The following CATSPERB variants were observed in gnomAD, a reference collection of about 807,000 sequenced individuals.
The protein encoded by CATSPERB is cation channel sperm-associated auxiliary subunit beta.
Under a neutral mutation model 128.3 loss-of-function variants are expected in CATSPERB, and 93 were observed. The ratio of observed to expected loss-of-function variants is 0.72; its 90% CI spans 0.61 to 0.86. The LOEUF is 0.86. Ranked by LOEUF, CATSPERB falls within the 40% of genes least tolerant of loss-of-function variation. CATSPERB has a pLI of 0.00. For missense variants in CATSPERB, 1,153 were observed against 1,329.5 expected (o/e 0.87, Z 2.06); for synonymous variants, 381 against 448.8 (o/e 0.85, Z 1.91).
intron 18 of CATSPERB, among the ~76,000 whole-genome samples, chr14:91,622,974 A>G (rs574748676): frequency 7.4e-5 from 11 of 148,310 alleles, no homozygotes; most frequent in Admixed American, 4.1e-4. Flanking sequence ...GGCTCACTGC[A>G]ACCTCCACCT....
In CATSPERB at chr14:91,669,816, G is replaced by A; in HGVS notation, c.1285C>T (p.Gln429Ter). The A allele has an allele frequency of 6.2e-7, 1 of 1,610,860 alleles. No individual in the cohort carries two copies. The highest frequency in any genetic ancestry group is 8.5e-7 in the Non-Finnish European group (1 of 1,178,670). Residue 429 changes from glutamine (Q) to a stop codon, truncating the protein, a stop_gained and splice_region_variant, in exon 14 of 27, where the codon CAG (glutamine) becomes TAG (stop). Transcript: ENST00000256343. LOFTEE classifies it high-confidence loss of function. ...ACTGAAGTTCCATGTGTACGCACCT[G>A]ATTGCCATAAGCATACAAAAAGTGG... ...RSHFLYAYGNQIWLSVDGGNT... is the reference protein window; with the variant it reads ...RSHFLYAYGN
chr14:91,655,310 G>T (rs1322257139), intron 15 of CATSPERB, among the ~76,000 whole-genome samples: 1 of 152,190 alleles, frequency 6.6e-6, no homozygotes, highest in East Asian at 1.9e-4. Context: ...GACCATCCAG[G>T]AGAACATGAC....
chr14:91,581,938 G>A (rs1893213257), intron 26 of CATSPERB, among the ~76,000 whole-genome samples: 1 of 152,204 alleles, frequency 6.6e-6, no homozygotes. Context: ...AGGATGACAG[G>A]CTGCTTTAAG....
At chr14:91,608,164 G>T in intron 22 of CATSPERB, 130 bp downstream of exon 22, 1 of 598,378 alleles carries the variant, frequency 1.7e-6, no homozygotes, top group Non-Finnish European at 2.9e-6. Flanking sequence ...GAAGGAGGAG[G>T]AACAGAGTAG....
At chr14:91,718,920 C>T (rs1895985938) in intron 5 of CATSPERB, among the ~76,000 whole-genome samples, 1 of 152,122 alleles carries the variant, frequency 6.6e-6, no homozygotes, top group African/African-American at 2.4e-5. Context: ...TACAGATCTA[C>T]TAGGTCAGTT....
At chr14:91,619,959 C>T (rs1320089406) in intron 19 of CATSPERB, among the ~76,000 whole-genome samples, 1 of 151,276 alleles carries the variant, frequency 6.6e-6, no homozygotes, top group African/African-American at 2.4e-5. Flanking sequence ...TGGTCTCAGA[C>T]TCCTGGGCTC....
chr14:91,698,887 A>G lies in CATSPERB; in HGVS notation c.617-5408T>C, dbSNP rs566426717. 7.9e-5 allele frequency among the ~76,000 whole-genome samples: 12 copies of G among 152,200 alleles called. No individual in the cohort carries two copies. In the South Asian group the frequency reaches 2.5e-3, roughly 32 times the overall value. On this transcript the variant is annotated intron_variant, in intron 7 of 26. Coordinates refer to ENST00000256343, the MANE Select transcript of CATSPERB (RefSeq NM_024764.4). The stretch of plus-strand genomic sequence containing the variant: ...TCCTCCTTCTGAGTCTCCAAAGTCC[A>G]TTACATCACTCTGTATGCCTTTGCT...
chr14:91,674,142 A>C (rs761874053), intron 12 of CATSPERB, 34 bp downstream of exon 12: 2 of 1,309,288 alleles, frequency 1.5e-6, no homozygotes, highest in South Asian at 1.3e-5. Flanking sequence ...CCCACAACAA[A>C]ATTTCTTAAC....
intron 11 of CATSPERB, among the ~76,000 whole-genome samples, chr14:91,677,446 A>G (rs968286961): frequency 6.6e-6 from 1 of 152,246 alleles, no homozygotes; most frequent in Admixed American, 6.5e-5. Flanking sequence ...GCCAAGAAAC[A>G]TATGAAAAAA....
intron 14 of CATSPERB, among the ~76,000 whole-genome samples, chr14:91,664,768 G>A (rs139926201): frequency 3.5e-4 from 53 of 152,148 alleles, no homozygotes; most frequent in Middle Eastern, 3.4e-3. Context: ...CAATTCCTTG[G>A]TCTTTCTAAA....
chr14:91,708,352 G>C (rs915014262), intron 5 of CATSPERB, 116 bp from the exon 6 acceptor site: 18 of 647,218 alleles, frequency 2.8e-5, no homozygotes, highest in Middle Eastern at 4.1e-4. Context: ...CAACCATTTT[G>C]TTGGTATTTA....
intron 14 of CATSPERB, among the ~76,000 whole-genome samples, chr14:91,665,884 C>T (rs28455823): frequency 1.2e-4 from 19 of 152,032 alleles, no homozygotes; most frequent in Admixed American, 6.6e-4. Flanking sequence ...AACCCCCAAA[C>T]GGATATGGTT....
Position 91,639,176 on chromosome 14 carries a change from G to C in CATSPERB, c.1507C>G (p.Leu503Val). 1.2e-6 allele frequency: 2 copies of C among 1,613,896 alleles called. No individual in the cohort carries two copies. The highest frequency in any genetic ancestry group is 1.1e-5 in the South Asian group (1 of 91,064). The change falls in exon 16 of 27, where the codon CTA (leucine) becomes GTA (valine). Residue 503 changes from leucine (L) to valine (V), a missense_variant. Leu to Val is a conservative substitution (Grantham distance 32, BLOSUM62 1). Coordinates refer to ENST00000256343, the MANE Select transcript of CATSPERB (RefSeq NM_024764.4). ...AAGCGACCCAGAGTCAGCTTATGTA[G>C]GAATCCCAAGTGATCATAGTATAAT... ...FTLYYDHLGF[L>V]HKLTLGRFEA...
chr14:91,631,397 C>T (rs1224384457), intron 17 of CATSPERB, among the ~76,000 whole-genome samples: 3 of 152,220 alleles, frequency 2.0e-5, no homozygotes, highest in African/African-American at 4.8e-5. Context: ...GGTGCAATGG[C>T]TCATGCCTGT....
At chr14:91,669,086 T>C (rs890302358) in intron 14 of CATSPERB, among the ~76,000 whole-genome samples, 1 of 152,200 alleles carries the variant, frequency 6.6e-6, no homozygotes, top group African/African-American at 2.4e-5. Context: ...AGTGTGAGAA[T>C]GGATTAATAC....
At chr14:91,600,970 A>G (rs528163211) in intron 22 of CATSPERB, among the ~76,000 whole-genome samples, 6 of 152,246 alleles carry the variant, frequency 3.9e-5, no homozygotes, top group Non-Finnish European at 7.3e-5. Flanking sequence ...TAAACAGAAC[A>G]ATATTGATAA....
At chr14:91,630,581 T>G (rs182993107) in intron 17 of CATSPERB, among the ~76,000 whole-genome samples, 531 of 152,292 alleles carry the variant, frequency 3.5e-3, no homozygotes, top group Non-Finnish European at 6.0e-3. Context: ...CTAGACAATT[T>G]TTGATCACTT....
chr14:91,609,200 CT>C (rs76713956), intron 21 of CATSPERB, among the ~76,000 whole-genome samples: 150 of 145,260 alleles, frequency 1.0e-3, no homozygotes, highest in Admixed American at 2.9e-3. Context: ...AGAAATTCAC[CT>C]TTTTTTTTTT....
At chr14:91,731,369 T>C (rs1329677614) in intron 1 of CATSPERB, among the ~76,000 whole-genome samples, 3 of 152,208 alleles carry the variant, frequency 2.0e-5, no homozygotes, top group East Asian at 3.8e-4. Flanking sequence ...TTTGATACTA[T>C]CTTCTTTCAA....
Sources: allele counts gnomAD v4.1 joint callset (sites outside exome capture counted in the v4.1 genomes callset), GRCh38; gene constraint gnomAD v4.1.1; transcripts MANE v1.5; gene names NCBI Gene and HGNC (gene_info 2026-07-23, HGNC 2026-07-21).